Variants in KIR2DL1 observed in about 807,000 individuals in gnomAD.
KIR2DL1 encodes the protein killer cell immunoglobulin-like receptor 2DL1.
KIR2DL1 carries 38 observed loss-of-function variants against 33.9 expected under a neutral mutation model. The ratio of observed to expected loss-of-function variants is 1.12; its 90% CI spans 0.86 to 1.47. The LOEUF (loss-of-function observed/expected upper bound fraction) is 1.47, where lower values mean the gene tolerates loss of function less well. Ranked by LOEUF, KIR2DL1 falls within the 40% of genes most tolerant of loss-of-function variation. The pLI is 0.00. For synonymous variants in KIR2DL1, 179 were observed against 165.9 expected, an observed-to-expected ratio of 1.08 and a Z score of -0.61; for missense variants, 531 against 433.9, an observed-to-expected ratio of 1.22 and a Z score of -1.99.
intron 5 of KIR2DL1, among the ~76,000 whole-genome samples, chr19:54,779,768 T>C (rs1371511151): frequency 2.7e-5 from 4 of 149,212 alleles, no homozygotes; most frequent in African/African-American, 9.8e-5. Flanking sequence ...GTGAACAAGA[T>C]GCATTTGGCC....
intron 3 of KIR2DL1, among the ~76,000 whole-genome samples, chr19:54,774,180 C>T (rs1218263465): frequency 6.7e-6 from 1 of 148,704 alleles, no homozygotes; most frequent in African/African-American, 2.5e-5. Context: ...AGTCTCCAGA[C>T]TGGATTCTGA....
At chr19:54,778,762 C>G in intron 5 of KIR2DL1, 100 bp downstream of exon 5, 2 of 1,278,846 alleles carry the variant, frequency 1.6e-6, no homozygotes, top group Non-Finnish European at 2.2e-6. Context: ...TGACATTGTA[C>G]ACTTGTCTTC....
intron 4 of KIR2DL1, among the ~76,000 whole-genome samples, chr19:54,776,365 A>T (rs1416661338): frequency 2.8e-5 from 4 of 145,314 alleles, no homozygotes; most frequent in Non-Finnish European, 6.1e-5. Flanking sequence ...GAGAAATGGG[A>T]ATCTTTTTAA....
rs11673144 is a variant in KIR2DL1, at chr19:54,775,198, T to C, written c.404T>C (p.Leu135Pro). 0.62 allele frequency: 912,077 copies of C among 1,467,812 alleles called. 266,537 individuals carry two copies. The highest frequency in any genetic ancestry group is 0.66 in the Middle Eastern group (3,697 of 5,592). The allele number at this position is 1,467,812 out of a possible 1,614,324, so 90.9% of individuals were successfully genotyped here. ...LYEKPSLSAQ[L>P]GPTVLAGENV... ...GAGAAACCTTCTCTCTCAGCCCAGC[T>C]GGGCCCCACGGTTCTGGCAGGAGAG... The change falls in exon 4 of 8, where the codon CTG becomes CCG. Residue 135 changes from leucine to proline, a missense_variant. Coordinates refer to ENST00000336077, the MANE Select transcript of KIR2DL1 (RefSeq NM_014218.3).
intron 6 of KIR2DL1, 100 bp from the exon 7 acceptor site, chr19:54,783,386 T>G (rs528774718): frequency 2.2e-6 from 3 of 1,389,864 alleles, no homozygotes; most frequent in South Asian, 2.4e-5. Flanking sequence ...CTGAGGGACC[T>G]CAGCCACCTA....
At chr19:54,779,489 C>T (rs2076725147) in intron 5 of KIR2DL1, among the ~76,000 whole-genome samples, 1 of 146,238 alleles carries the variant, frequency 6.8e-6, no homozygotes, top group South Asian at 2.2e-4. Context: ...TTCTTCCTTA[C>T]CACACCTCTT....
intron 5 of KIR2DL1, among the ~76,000 whole-genome samples, chr19:54,782,110 G>A (rs914613180): frequency 1.3e-5 from 2 of 151,936 alleles, no homozygotes; most frequent in Non-Finnish European, 2.9e-5. Flanking sequence ...GGGACATATG[G>A]AGTCACCCCA....
At chr19:54,770,112 GCCTGGAGTGGAGATAGGAA>G (rs1342477905) in intron 1 of KIR2DL1, among the ~76,000 whole-genome samples, 2 of 145,444 alleles carry the variant, frequency 1.4e-5, no homozygotes, top group Non-Finnish European at 3.1e-5. Context: ...GGAGATCTGG[GCCTGGAGTGGAGATAGGAA>G]CCTGGAGGGG....
chr19:54,769,946 G>C (rs1409772587), intron 1 of KIR2DL1, 62 bp downstream of exon 1: 11 of 1,545,900 alleles, frequency 7.1e-6, no homozygotes, highest in Non-Finnish European at 8.0e-6. Context: ...CCCAGAGGTG[G>C]AGATATAGGC....
chr19:54,774,846 A>G (rs1235564351), intron 3 of KIR2DL1, among the ~76,000 whole-genome samples: 1 of 148,656 alleles, frequency 6.7e-6, no homozygotes, highest in African/African-American at 2.5e-5. Flanking sequence ...AAATATGCAG[A>G]AAGTTATGAA....
chr19:54,782,092 A>G (rs935230073), intron 5 of KIR2DL1, among the ~76,000 whole-genome samples: 1 of 151,922 alleles, frequency 6.6e-6, no homozygotes, highest in Non-Finnish European at 1.5e-5. Context: ...GGCTCAGAAA[A>G]GCTCCTCGGG....
At chr19:54,775,619 A>G (rs1228317928) in intron 4 of KIR2DL1, among the ~76,000 whole-genome samples, 161 bp downstream of exon 4, 3 of 148,722 alleles carry the variant, frequency 2.0e-5, no homozygotes, top group African/African-American at 2.5e-5. Flanking sequence ...GGGCACCTCC[A>G]AACCCTCCTA....
At chr19:54,781,921 C>A (rs1279511094) in intron 5 of KIR2DL1, among the ~76,000 whole-genome samples, 38 of 152,192 alleles carry the variant, frequency 2.5e-4, no homozygotes, top group South Asian at 2.3e-3. Context: ...ACTCTAAACA[C>A]CTCCTGGACT....
chr19:54,772,955 C>T (rs1357118871), intron 2 of KIR2DL1, among the ~76,000 whole-genome samples: 2 of 147,884 alleles, frequency 1.4e-5, no homozygotes, highest in African/African-American at 4.9e-5. Flanking sequence ...ATACCTCCTG[C>T]CAAGGATTCC....
rs751473386 is a variant in KIR2DL1 at position 54,782,989 on chromosome 19, CT to C, written c.786del (p.Leu263SerfsTer14). The C allele has an allele frequency of 6.2e-7, 1 of 1,613,790 alleles. No individual in the cohort carries two copies. The highest frequency in any genetic ancestry group is 1.3e-5 in the African/African-American group (1 of 75,010). Reference protein sequence around the residue: ...VVIILFILLFFLLHRWCSNKK... With the variant: ...VVIILFILLFXLLHRWCSNKK... ...TCATCATCCTCTTCATCCTCCTCTT[CT>C]TTCTCCTTCATCGCTGGTGCTCCAA... On this transcript the variant is annotated frameshift_variant, in exon 6 of 8. Transcript: ENST00000336077. LOFTEE classifies it high-confidence loss of function.
intron 4 of KIR2DL1, among the ~76,000 whole-genome samples, chr19:54,777,536 T>C (rs1265601133): frequency 2.7e-5 from 4 of 149,974 alleles, no homozygotes; most frequent in Non-Finnish European, 4.5e-5. Context: ...TTTGTTTTAT[T>C]GAGTTGTTTG....
chr19:54,770,823 T>G, intron 1 of KIR2DL1, 26 bp from the exon 2 acceptor site: 2 of 1,583,198 alleles, frequency 1.3e-6, no homozygotes, highest in Non-Finnish European at 1.7e-6. Flanking sequence ...TGCAGATGGG[T>G]CATCCATCAT....
chr19:54,771,917 T>C (rs931205517), intron 2 of KIR2DL1, among the ~76,000 whole-genome samples: 8 of 147,462 alleles, frequency 5.4e-5, no homozygotes, highest in Non-Finnish European at 9.1e-5. Flanking sequence ...TGTCTGGGAT[T>C]CTCCTTGTCC....
intron 4 of KIR2DL1, 27 bp from the exon 5 acceptor site, chr19:54,778,585 T>A: frequency 6.6e-7 from 1 of 1,516,536 alleles, no homozygotes. Flanking sequence ...CCTCATTTCC[T>A]CACCTCTCTC....
Sources: allele counts gnomAD v4.1 joint callset (sites outside exome capture counted in the v4.1 genomes callset), GRCh38; gene constraint gnomAD v4.1.1; transcripts MANE v1.5; gene names NCBI Gene and HGNC (gene_info 2026-07-23, HGNC 2026-07-21).